COL21A1: variants seen among roughly 807,000 people sequenced by gnomAD.
COL21A1 encodes collagen type XXI alpha 1 chain, also known as collagen alpha-1(XXI) chain.
COL21A1 carries 149 observed loss-of-function variants against 137.9 expected under a neutral mutation model. That is an observed-to-expected ratio of 1.08 (90% CI 0.95 to 1.24). The LOEUF (loss-of-function observed/expected upper bound fraction) is 1.24. Ranked by LOEUF, COL21A1 falls within the 50% of genes most tolerant of loss-of-function variation. The pLI is 0.00. For missense variants in COL21A1, 1,167 were observed against 1,158.4 expected (o/e 1.01, Z -0.11); for synonymous variants, 456 against 391.5 (o/e 1.16, Z -1.95).
intron 16 of COL21A1, among the ~76,000 whole-genome samples, chr6:56,101,997 C>T (rs780491023): frequency 1.2e-4 from 18 of 152,036 alleles, no homozygotes; most frequent in Admixed American, 3.9e-4. Flanking sequence ...AATTATCTGG[C>T]ACTTTAGTAT....
At chr6:56,090,425 G>T (rs938074801) in intron 17 of COL21A1, among the ~76,000 whole-genome samples, 24 of 152,116 alleles carry the variant, frequency 1.6e-4, no homozygotes, top group African/African-American at 5.8e-4. Context: ...AACCTGGTGG[G>T]ACTTTATTAA....
intron 1 of COL21A1, among the ~76,000 whole-genome samples, chr6:56,186,724 T>C (rs1235228559): frequency 6.6e-6 from 1 of 151,966 alleles, no homozygotes; most frequent in Non-Finnish European, 1.5e-5. Context: ...ATTATAAATG[T>C]GGAAATGAAG....
At chr6:56,166,488 C>A (rs890256886) in intron 7 of COL21A1, among the ~76,000 whole-genome samples, 1 of 152,102 alleles carries the variant, frequency 6.6e-6, no homozygotes, top group Non-Finnish European at 1.5e-5. Context: ...CCTGTCTCTA[C>A]TAAAAATACA....
chr6:56,178,986 A>G (rs1561952737), intron 3 of COL21A1, among the ~76,000 whole-genome samples: 1 of 152,088 alleles, frequency 6.6e-6, no homozygotes, highest in Non-Finnish European at 1.5e-5. Context: ...AGCAAAACTT[A>G]GAAATAAACT....
At chr6:56,240,079 C>A (rs972578793) in intron 1 of COL21A1, among the ~76,000 whole-genome samples, 1 of 152,080 alleles carries the variant, frequency 6.6e-6, no homozygotes, top group African/African-American at 2.4e-5. Context: ...TCTCTGTCTG[C>A]CACCAGGCAA....
chr6:56,100,456 A>C (rs1197480104), intron 17 of COL21A1, among the ~76,000 whole-genome samples: 4 of 152,188 alleles, frequency 2.6e-5, no homozygotes, highest in Non-Finnish European at 5.9e-5. Context: ...TACACTATTC[A>C]CACTTAGAGA....
intron 1 of COL21A1, among the ~76,000 whole-genome samples, chr6:56,213,206 A>C (rs1400750405): frequency 1.3e-5 from 2 of 152,158 alleles, no homozygotes; most frequent in East Asian, 3.9e-4. Flanking sequence ...TTTAATAAAC[A>C]AGTCCAAAAG....
intron 1 of COL21A1, among the ~76,000 whole-genome samples, chr6:56,275,054 A>G (rs1427977054): frequency 6.6e-6 from 1 of 152,132 alleles, no homozygotes; most frequent in Non-Finnish European, 1.5e-5. Context: ...CCCAGAAATA[A>G]AGTCCCACAC....
intron 12 of COL21A1, among the ~76,000 whole-genome samples, chr6:56,129,933 C>T (rs900250150): frequency 2.7e-5 from 4 of 148,734 alleles, no homozygotes; most frequent in African/African-American, 1.0e-4. Flanking sequence ...CCCAAACTAC[C>T]TTTTGAATAT....
At chr6:56,336,182 C>T (rs1216173957) in intron 1 of COL21A1, among the ~76,000 whole-genome samples, 2 of 152,188 alleles carry the variant, frequency 1.3e-5, no homozygotes, top group East Asian at 1.9e-4. Flanking sequence ...CTGACCACTT[C>T]CCCACTGACC....
At chr6:56,106,824 T>C (rs1028550061) in intron 16 of COL21A1, among the ~76,000 whole-genome samples, 9 of 152,048 alleles carry the variant, frequency 5.9e-5, no homozygotes, top group Non-Finnish European at 1.0e-4. Flanking sequence ...TTTCGCTCTG[T>C]CGCCCAGGCT....
At chr6:56,156,776 C>G (rs1582507503) in intron 10 of COL21A1, 111 bp downstream of exon 10, 6 of 852,490 alleles carry the variant, frequency 7.0e-6, no homozygotes, top group Non-Finnish European at 9.6e-6. Flanking sequence ...CTTCCTATGG[C>G]AGCAGTCATG....
chr6:56,099,817 A>T (rs1770287669), intron 17 of COL21A1, among the ~76,000 whole-genome samples: 1 of 152,092 alleles, frequency 6.6e-6, no homozygotes, highest in South Asian at 2.1e-4. Flanking sequence ...TGTTGAGCTC[A>T]TGCTACCCTA....
At chr6:56,125,009 ATCTT>A (rs1239545244) in intron 14 of COL21A1, among the ~76,000 whole-genome samples, 1 of 118,458 alleles carries the variant, frequency 8.4e-6, no homozygotes, top group Non-Finnish European at 1.7e-5. Flanking sequence ...AAATCTGTAA[ATCTT>A]TTTTTTTTTT....
intron 17 of COL21A1, among the ~76,000 whole-genome samples, chr6:56,079,090 G>A (rs1375614945): frequency 6.6e-6 from 1 of 151,660 alleles, no homozygotes; most frequent in Non-Finnish European, 1.5e-5. Flanking sequence ...TGAATGAACC[G>A]TAATTTGGTG....
At chr6:56,131,462 C>T (rs1226834456) in intron 12 of COL21A1, among the ~76,000 whole-genome samples, 1 of 151,514 alleles carries the variant, frequency 6.6e-6, no homozygotes, top group African/African-American at 2.4e-5. Context: ...TTTCTCATCT[C>T]TAATGTAATG....
At position 56,247,491 on chromosome 6, in the gene COL21A1, T is replaced by TG. The variant is rs1171175208; in HGVS notation, c.-144dup. ...TGGCAAGCCCAACCCGAGCAAGACCTGCGCTGAAACGGATTGGCTGCCCTC... is the reference window on the plus strand; with the variant it reads ...TGGCAAGCCCAACCCGAGCAAGACCTGGCGCTGAAACGGATTGGCTGCCCTC... On this transcript the variant is annotated 5_prime_UTR_variant, in exon 1 of 30. Transcript: ENST00000244728. 1.3e-5 allele frequency: 2 copies of TG among 152,378 alleles called. No homozygotes were observed. 9.4% of individuals were successfully genotyped at this position (152,378 alleles called of 1,614,324 possible).
At chr6:56,284,253 G>A (rs941470958) in intron 1 of COL21A1, among the ~76,000 whole-genome samples, 1 of 152,034 alleles carries the variant, frequency 6.6e-6, no homozygotes, top group African/African-American at 2.4e-5. Context: ...TGGGATTCAC[G>A]ATGTTGCCCA....
chr6:56,071,093 C>G (rs7450492), intron 20 of COL21A1, among the ~76,000 whole-genome samples: 22,834 of 151,398 alleles, frequency 0.15, 1,752 homozygotes, highest in Middle Eastern at 0.22. Context: ...AGTCCAGCCA[C>G]CACATTGCAC....
Sources: gnomAD v4.1 joint callset for allele counts (sites outside exome capture counted in the v4.1 genomes callset) on GRCh38, gnomAD v4.1.1 for gene constraint, MANE v1.5 for transcripts, NCBI Gene and HGNC (gene_info 2026-07-23, HGNC 2026-07-21) for gene names.